The following CSMD1 variants were observed in gnomAD, a reference collection of about 807,000 sequenced individuals.
CSMD1 encodes CUB and Sushi multiple domains 1, also known as CUB and sushi domain-containing protein 1.
A neutral mutation model predicts 417.5 loss-of-function variants in CSMD1; 213 were observed. That is an observed-to-expected ratio of 0.51 (90% CI 0.46 to 0.57). The LOEUF (loss-of-function observed/expected upper bound fraction) is 0.57. CSMD1 is among the 20% of genes least tolerant of loss of function. The pLI is 0.00. For synonymous variants in CSMD1, 2,862 were observed against 1,736.8 expected (o/e 1.65, Z -16.11); for missense variants, 6,923 against 4,529.7 (o/e 1.53, Z -15.17).
intron 3 of CSMD1, among the ~76,000 whole-genome samples, chr8:4,304,885 A>G (rs1020479733): frequency 6.6e-6 from 1 of 152,178 alleles, no homozygotes; most frequent in Non-Finnish European, 1.5e-5. Context: ...TATACTCTTA[A>G]TCTATCAAAA....
intron 3 of CSMD1, among the ~76,000 whole-genome samples, chr8:4,349,146 G>C (rs527930793): frequency 6.6e-6 from 1 of 152,200 alleles, no homozygotes; most frequent in East Asian, 1.9e-4. Context: ...CGAATACAGA[G>C]CTTGCATATG....
chr8:4,728,207 A>G (rs923572721), intron 1 of CSMD1, among the ~76,000 whole-genome samples: 1 of 148,262 alleles, frequency 6.7e-6, no homozygotes, highest in Non-Finnish European at 1.5e-5. Context: ...ATTTATATAT[A>G]TATTTGGTAT....
intron 3 of CSMD1, among the ~76,000 whole-genome samples, chr8:4,361,783 A>C (rs772297149): frequency 2.6e-5 from 4 of 151,968 alleles, no homozygotes; most frequent in Non-Finnish European, 4.4e-5. Context: ...GTGAAACCCC[A>C]TCTCTACTAA....
intron 4 of CSMD1, among the ~76,000 whole-genome samples, chr8:3,999,663 A>G (rs1028754143): frequency 6.6e-6 from 1 of 152,164 alleles, no homozygotes; most frequent in African/African-American, 2.4e-5. Flanking sequence ...ACGGGATGCC[A>G]GGCTGGTCTA....
intron 5 of CSMD1, among the ~76,000 whole-genome samples, chr8:3,886,210 C>A (rs926090345): frequency 6.6e-6 from 1 of 152,022 alleles, no homozygotes; most frequent in Non-Finnish European, 1.5e-5. Context: ...CCACCATGCC[C>A]AGCTAATTTC....
rs568331091 is a variant in CSMD1 at position 4,518,698 on chromosome 8, T to C, written c.303-98633A>G. Among the ~76,000 whole-genome samples, 41 of 152,014 alleles carry C rather than the reference T, an allele frequency of 2.7e-4. No individual in the cohort carries two copies. The East Asian group carries it at 6.0e-3, about 22-fold the overall frequency. ...GAGTTAACGGTGCAGCACACCAACG[T>C]GGCACATGTATACATATGTAACTAA... On this transcript the variant is annotated intron_variant, in intron 2 of 69. Transcript: ENST00000635120.
intron 3 of CSMD1, among the ~76,000 whole-genome samples, chr8:4,277,927 T>G (rs1796575831): frequency 6.6e-6 from 1 of 152,022 alleles, no homozygotes; most frequent in Admixed American, 6.6e-5. Context: ...TTTTTGTATT[T>G]TTAGTGGAGA....
intron 6 of CSMD1, among the ~76,000 whole-genome samples, chr8:3,735,028 T>G (rs1388454807): frequency 6.6e-6 from 1 of 152,230 alleles, no homozygotes; most frequent in South Asian, 2.1e-4. Flanking sequence ...ATGCTGTTTT[T>G]GTAAAACAAA....
chr8:4,009,730 C>T (rs1031870946), intron 4 of CSMD1, among the ~76,000 whole-genome samples: 6 of 151,996 alleles, frequency 3.9e-5, no homozygotes, highest in African/African-American at 1.5e-4. Context: ...GATGTACCTA[C>T]CTCCACAGGC....
chr8:3,394,190 T>C (rs1453947809), intron 17 of CSMD1, among the ~76,000 whole-genome samples: 4 of 146,710 alleles, frequency 2.7e-5, no homozygotes, highest in Non-Finnish European at 6.0e-5. Context: ...AGGGTAGTCA[T>C]TCTTTTAAGA....
intron 6 of CSMD1, among the ~76,000 whole-genome samples, chr8:3,719,356 A>AG (rs1196949379): frequency 1.3e-5 from 2 of 152,178 alleles, no homozygotes; most frequent in African/African-American, 2.4e-5. Context: ...CCTGAGCCAC[A>AG]GCCTCGGATT....
chr8:4,240,390 C>A (rs1354140874), intron 3 of CSMD1, among the ~76,000 whole-genome samples: 1 of 152,216 alleles, frequency 6.6e-6, no homozygotes, highest in African/African-American at 2.4e-5. Flanking sequence ...GCAGGCATCA[C>A]AGTTGAGCAC....
At chr8:4,601,946 G>A (rs1800611540) in intron 2 of CSMD1, among the ~76,000 whole-genome samples, 1 of 152,120 alleles carries the variant, frequency 6.6e-6, no homozygotes, top group Non-Finnish European at 1.5e-5. Context: ...TTATACACAG[G>A]TGCTGGAGGA....
At chr8:4,435,111 A>C (rs1261897184) in intron 2 of CSMD1, among the ~76,000 whole-genome samples, 1 of 152,250 alleles carries the variant, frequency 6.6e-6, no homozygotes. Flanking sequence ...GATGCTAAAA[A>C]TAAGGAAAAA....
chr8:3,409,734 A>G (rs962875614), intron 12 of CSMD1, 129 bp from the exon 13 acceptor site: 12 of 676,014 alleles, frequency 1.8e-5, no homozygotes, highest in African/African-American at 1.4e-4. Flanking sequence ...AAGTGTTTCT[A>G]AAGGATATTC....
chr8:4,421,441 C>A lies in CSMD1; in HGVS notation c.303-1376G>T, dbSNP rs146840613. ...ATAAACCATATTCGAGGCCATAAAA[C>A]AAACCTCAAACTATATAAAATAACT... On this transcript the variant is annotated intron_variant, in intron 2 of 69. Transcript: ENST00000635120. 5.4e-3 allele frequency among the ~76,000 whole-genome samples: 818 copies of A among 152,146 alleles called. 3 individuals carry two copies. Among genetic ancestry groups the A allele is most frequent in the African/African-American group, 0.018 (763 of 41,532 alleles).
intron 54 of CSMD1, among the ~76,000 whole-genome samples, chr8:2,993,443 A>G (rs630444): frequency 0.19 from 28,523 of 152,074 alleles, 5,212 homozygotes; most frequent in African/African-American, 0.48. Flanking sequence ...CCTATTACAA[A>G]AGAGGAGTGT....
chr8:4,761,982 G>C, intron 1 of CSMD1, among the ~76,000 whole-genome samples: 1 of 149,718 alleles, frequency 6.7e-6, no homozygotes, highest in East Asian at 2.0e-4. Context: ...CAGTGGAAAA[G>C]CAACCAAAAT....
intron 5 of CSMD1, among the ~76,000 whole-genome samples, chr8:3,784,651 G>C (rs930864415): frequency 6.6e-6 from 1 of 152,024 alleles, no homozygotes; most frequent in African/African-American, 2.4e-5. Flanking sequence ...AAATCTGTTT[G>C]GTTTGGAAAT....
Sources: gnomAD v4.1 joint callset for allele counts (sites outside exome capture counted in the v4.1 genomes callset) on GRCh38, gnomAD v4.1.1 for gene constraint, MANE v1.5 for transcripts, NCBI Gene and HGNC (gene_info 2026-07-23, HGNC 2026-07-21) for gene names.